MARK3: variants seen among roughly 807,000 people sequenced by gnomAD.
The protein encoded by MARK3 is microtubule affinity regulating kinase 3, also known as MAP/microtubule affinity-regulating kinase 3.
A neutral mutation model predicts 90.1 loss-of-function variants in MARK3; 46 were observed. The observed-to-expected ratio is 0.51, with a 90% CI of 0.40 to 0.65. MARK3 has a LOEUF of 0.65. Ranked by LOEUF, MARK3 falls within the 30% of genes least tolerant of loss-of-function variation. The pLI, the probability that MARK3 is intolerant of heterozygous loss-of-function variation, is 0.00. For missense variants in MARK3, 818 were observed against 947.2 expected (o/e 0.86, Z 1.79); for synonymous variants, 321 against 332.6 (o/e 0.97, Z 0.38).
At chr14:103,456,273 T>C (rs1420105038) in intron 5 of MARK3, among the ~76,000 whole-genome samples, 1 of 152,198 alleles carries the variant, frequency 6.6e-6, no homozygotes, top group East Asian at 1.9e-4. Flanking sequence ...CTTCCCGTCA[T>C]TGGAAGCCTC....
At chr14:103,498,687 A>G (rs1337651739) in intron 16 of MARK3, among the ~76,000 whole-genome samples, 159 bp downstream of exon 16, 1 of 152,220 alleles carries the variant, frequency 6.6e-6, no homozygotes, top group African/African-American at 2.4e-5. Flanking sequence ...TTGAAAAGAA[A>G]TAGATTAACT....
intron 12 of MARK3, 105 bp downstream of exon 12, chr14:103,468,291 T>A (rs2093553932): frequency 1.4e-6 from 1 of 699,318 alleles, no homozygotes; most frequent in East Asian, 3.1e-5. Context: ...TGTCCTTTCT[T>A]GGCATTGCTT....
In MARK3 at chr14:103,451,904, C is replaced by G; in HGVS notation, c.347-14C>G. The G allele has an allele frequency of 6.3e-7, 1 of 1,599,848 alleles. No homozygotes were observed. The highest frequency in any genetic ancestry group is 1.7e-5 in the Admixed American group (1 of 58,876). The stretch of plus-strand genomic sequence containing the variant: ...TTTGTCTCTTTTTCTTCCGTGTCCT[C>G]TCCTCTCCCGCAGTGAAGTTATTCG... On this transcript the variant is annotated splice_polypyrimidine_tract_variant and intron_variant, in intron 4 of 17. Coordinates refer to ENST00000429436, the MANE Select transcript of MARK3 (RefSeq NM_001128918.3).
At chr14:103,465,836 G>T (rs774772815) in intron 8 of MARK3, 43 bp downstream of exon 8, 1 of 1,568,922 alleles carries the variant, frequency 6.4e-7, no homozygotes, top group South Asian at 1.2e-5. Context: ...ACTAAAAGAA[G>T]TTTCCTAATA....
In MARK3 at chr14:103,385,900, G is replaced by C; in HGVS notation, c.-130G>C. 1.4e-6 allele frequency: 1 copy of C among 726,248 alleles called. No homozygotes were observed. The highest frequency in any genetic ancestry group is 2.0e-5 in the Admixed American group (1 of 48,812). 45.0% of individuals were successfully genotyped at this position (726,248 alleles called of 1,614,324 possible). On this transcript the variant is annotated 5_prime_UTR_variant, in exon 1 of 18. Transcript: ENST00000429436. ...GCCCGGGATCTAGACGGCCGTAGGG[G>C]GAAGGGAGCCGCCCTCCCCACGGCG... is the stretch of plus-strand genomic sequence containing the variant.
chr14:103,392,760 G>C (rs1356764718), intron 1 of MARK3, among the ~76,000 whole-genome samples: 1 of 151,878 alleles, frequency 6.6e-6, no homozygotes, highest in Non-Finnish European at 1.5e-5. Flanking sequence ...GCAATACTTT[G>C]TAGAGTATCT....
chr14:103,451,453 A>G (rs1395801498), intron 4 of MARK3, among the ~76,000 whole-genome samples: 1 of 152,228 alleles, frequency 6.6e-6, no homozygotes, highest in African/African-American at 2.4e-5. Context: ...GAAAGTTGTC[A>G]TAAGTTTCCC....
At chr14:103,395,662 A>C (rs996944057) in intron 1 of MARK3, among the ~76,000 whole-genome samples, 1 of 152,208 alleles carries the variant, frequency 6.6e-6, no homozygotes, top group African/African-American at 2.4e-5. Flanking sequence ...GCTCAGAGGT[A>C]AATTTTTAAA....
intron 12 of MARK3, among the ~76,000 whole-genome samples, chr14:103,472,743 C>A (rs574520562): frequency 6.6e-4 from 101 of 151,882 alleles, no homozygotes; most frequent in African/African-American, 2.4e-3. Flanking sequence ...CGCGGTGGCT[C>A]ACGCCTGTAA....
At chr14:103,440,877 G>A (rs1595690771) in intron 3 of MARK3, among the ~76,000 whole-genome samples, 2 of 146,672 alleles carry the variant, frequency 1.4e-5, no homozygotes, top group East Asian at 2.0e-4. Context: ...TTACAGCTGC[G>A]GTGAGCTGTG....
Position 103,468,204 on chromosome 14 carries a change from C to G in MARK3, c.1264+18C>G, listed in dbSNP as rs1415204347. ...TGACCATGGTAAGTTTTGGAGTATC[C>G]CAGTGCCTTCTCTTAGAGTCCAGGC... On this transcript the variant is annotated intron_variant, in intron 12 of 17. Transcript: ENST00000429436. 1 of 1,609,498 alleles carries G rather than the reference C, an allele frequency of 6.2e-7. No homozygotes were observed. Among genetic ancestry groups the G allele is most frequent in the African/African-American group, 1.3e-5 (1 of 74,786 alleles).
intron 14 of MARK3, among the ~76,000 whole-genome samples, chr14:103,485,669 T>G (rs2093915864): frequency 6.6e-6 from 1 of 152,198 alleles, no homozygotes; most frequent in Non-Finnish European, 1.5e-5. Flanking sequence ...TGATAGGGGC[T>G]AGAGGTCATA....
chr14:103,495,346 G>T (rs973056996), intron 15 of MARK3, among the ~76,000 whole-genome samples: 4 of 152,142 alleles, frequency 2.6e-5, no homozygotes, highest in Admixed American at 6.5e-5. Flanking sequence ...TTGATGTTGT[G>T]GCACATGCTT....
intron 1 of MARK3, among the ~76,000 whole-genome samples, chr14:103,394,237 A>G (rs1420855784): frequency 6.6e-6 from 1 of 152,198 alleles, no homozygotes; most frequent in East Asian, 1.9e-4. Context: ...ATCCATTTTC[A>G]AATTTCAAAT....
chr14:103,503,116 G>C lies in MARK3; in HGVS notation c.2151G>C (p.Val717=). Residue 717 remains valine, a synonymous_variant, in exon 18 of 18, where the codon GTG becomes GTC. Transcript: ENST00000429436. ...AENLVQWEME[V]CKLPRLSLNG... is the part of the protein sequence containing the mutation. ...ACCTCGTGCAGTGGGAAATGGAAGT[G>C]TGCAAGCTGCCAAGACTGTCTCTGA... 6.2e-7 allele frequency: 1 copy of C among 1,614,230 alleles called. No homozygotes were observed. Among genetic ancestry groups the C allele is most frequent in the Non-Finnish European group, 8.5e-7 (1 of 1,180,042 alleles).
intron 15 of MARK3, among the ~76,000 whole-genome samples, chr14:103,493,274 T>TG (rs1251314214): frequency 3.4e-5 from 5 of 148,806 alleles, no homozygotes; most frequent in Admixed American, 2.0e-4. Context: ...TTTTTTTTTT[T>TG]GAGACGGAGT....
chr14:103,501,375 C>G (rs907219787), intron 17 of MARK3, among the ~76,000 whole-genome samples: 1 of 152,216 alleles, frequency 6.6e-6, no homozygotes. Flanking sequence ...ACGTGGGCAT[C>G]AAGTAAGTTG....
chr14:103,421,233 C>T (rs1346135085), intron 2 of MARK3, among the ~76,000 whole-genome samples: 1 of 152,204 alleles, frequency 6.6e-6, no homozygotes, highest in Non-Finnish European at 1.5e-5. Context: ...CAGACACACA[C>T]ATAAAACAAA....
chr14:103,391,530 A>G (rs1451422067), intron 1 of MARK3, among the ~76,000 whole-genome samples: 2 of 149,382 alleles, frequency 1.3e-5, no homozygotes, highest in African/African-American at 4.9e-5. Context: ...GTTGGCTGAT[A>G]TGTCAAATAT....
Sources: gnomAD v4.1 joint callset for allele counts (sites outside exome capture counted in the v4.1 genomes callset) on GRCh38, gnomAD v4.1.1 for gene constraint, MANE v1.5 for transcripts, NCBI Gene and HGNC (gene_info 2026-07-23, HGNC 2026-07-21) for gene names.